CFAP299: variants seen among roughly 807,000 people sequenced by gnomAD.
CFAP299 encodes cilia- and flagella-associated protein 299.
Under a neutral mutation model 27.0 loss-of-function variants are expected in CFAP299, and 21 were observed. The observed-to-expected ratio is 0.78, with a 90% CI of 0.55 to 1.12. The LOEUF is 1.12. Ranked by LOEUF, CFAP299 falls within the 50% of genes most tolerant of loss-of-function variation. The probability of loss-of-function intolerance (pLI) is 0.00; values close to 1 mark genes in which losing one functional copy is unlikely to be tolerated. For missense variants in CFAP299, 310 were observed against 276.6 expected, an observed-to-expected ratio of 1.12 and a Z score of -0.86; for synonymous variants, 104 against 98.1, an observed-to-expected ratio of 1.06 and a Z score of -0.36.
intron 3 of CFAP299, among the ~76,000 whole-genome samples, chr4:80,847,170 T>C (rs1560442220): frequency 6.6e-6 from 1 of 152,224 alleles, no homozygotes; most frequent in Non-Finnish European, 1.5e-5. Context: ...CAATTCCTGC[T>C]GCTTTAGATT....
chr4:80,756,705 C>T (rs1725257006), intron 3 of CFAP299, among the ~76,000 whole-genome samples: 1 of 152,070 alleles, frequency 6.6e-6, no homozygotes, highest in South Asian at 2.1e-4. Flanking sequence ...GCTATAATGA[C>T]TGAGTTGAGT....
intron 2 of CFAP299, among the ~76,000 whole-genome samples, chr4:80,538,933 T>C (rs1733874009): frequency 6.6e-6 from 1 of 152,228 alleles, no homozygotes; most frequent in African/African-American, 2.4e-5. Context: ...ACAGTAAAGT[T>C]AACATTTCTT....
Position 80,583,091 on chromosome 4 carries a change from A to C in CFAP299, c.243-2A>C. ...TTATAACTGAAGATCTGCCTTTTAC[A>C]GGACGCTAACAAGTGCTGGTAAAGA... On this transcript the variant is annotated splice_acceptor_variant, in intron 2 of 5. Coordinates refer to ENST00000358105, the MANE Select transcript of CFAP299 (RefSeq NM_152770.3). LOFTEE classifies it high-confidence loss of function. The C allele has an allele frequency of 6.3e-7, 1 of 1,592,938 alleles. No individual in the cohort carries two copies. Among genetic ancestry groups the C allele is most frequent in the Non-Finnish European group, 8.6e-7 (1 of 1,166,624 alleles).
chr4:80,536,000 G>T (rs965276957), intron 2 of CFAP299, among the ~76,000 whole-genome samples: 3 of 152,144 alleles, frequency 2.0e-5, no homozygotes, highest in Non-Finnish European at 4.4e-5. Context: ...AGATGTTAAA[G>T]AACTGATAAT....
chr4:80,907,620 T>C (rs1401077241), intron 4 of CFAP299, among the ~76,000 whole-genome samples: 3 of 152,044 alleles, frequency 2.0e-5, no homozygotes, highest in Admixed American at 6.6e-5. Context: ...GGAAGGAGAA[T>C]TGCAGAGTGA....
chr4:80,937,620 C>A (rs1736979487), intron 4 of CFAP299, among the ~76,000 whole-genome samples: 1 of 152,074 alleles, frequency 6.6e-6, no homozygotes, highest in Non-Finnish European at 1.5e-5. Context: ...TATGTGTCCT[C>A]AAACCTAAAG....
intron 2 of CFAP299, among the ~76,000 whole-genome samples, chr4:80,504,296 G>A (rs529461984): frequency 7.7e-4 from 116 of 151,470 alleles, no homozygotes; most frequent in Non-Finnish European, 1.3e-3. Context: ...GTGCTTGCTG[G>A]TGCTCATACC....
At chr4:80,565,884 T>G (rs1166549295) in intron 2 of CFAP299, among the ~76,000 whole-genome samples, 1 of 152,080 alleles carries the variant, frequency 6.6e-6, no homozygotes, top group African/African-American at 2.4e-5. Flanking sequence ...TTTATTTGGA[T>G]GAAAGGAGAC....
At chr4:80,838,284 A>G (rs1457060822) in intron 3 of CFAP299, among the ~76,000 whole-genome samples, 1 of 152,038 alleles carries the variant, frequency 6.6e-6, no homozygotes, top group African/African-American at 2.4e-5. Flanking sequence ...CCATTTGTCA[A>G]TTTTGGCTTT....
intron 2 of CFAP299, chr4:80,387,669 A>T: frequency 6.4e-7 from 1 of 1,564,366 alleles, no homozygotes; most frequent in Non-Finnish European, 8.8e-7. Flanking sequence ...GTTTCTTAAC[A>T]TTAGACTTCT....
chr4:80,356,243 C>T (rs1723275926), intron 1 of CFAP299, among the ~76,000 whole-genome samples: 2 of 151,814 alleles, frequency 1.3e-5, no homozygotes, highest in Admixed American at 6.6e-5. Flanking sequence ...TTACTGTAGC[C>T]TTATAGTTTG....
chr4:80,458,872 A>G (rs1729300640), intron 2 of CFAP299, among the ~76,000 whole-genome samples: 1 of 152,182 alleles, frequency 6.6e-6, no homozygotes, highest in South Asian at 2.1e-4. Context: ...GGCACTGAGT[A>G]GGCCCTCCTG....
chr4:80,414,665 T>A (rs1453764801), intron 2 of CFAP299, among the ~76,000 whole-genome samples: 2 of 152,206 alleles, frequency 1.3e-5, no homozygotes, highest in African/African-American at 2.4e-5. Context: ...CTGCTACGGC[T>A]AAAGTATTGT....
At chr4:80,438,287 A>G (rs1213040122) in intron 2 of CFAP299, among the ~76,000 whole-genome samples, 1 of 152,166 alleles carries the variant, frequency 6.6e-6, no homozygotes, top group Non-Finnish European at 1.5e-5. Flanking sequence ...GGTTTGATGA[A>G]AGAAGTCTAG....
Position 80,407,070 on chromosome 4 carries a change from A to G in CFAP299, c.242+44186A>G, listed in dbSNP as rs928384807. Among the ~76,000 whole-genome samples the G allele has an allele frequency of 3.3e-5, 5 of 152,186 alleles. No homozygotes were observed. The East Asian group carries it at 9.6e-4, about 29-fold the overall frequency. On this transcript the variant is annotated intron_variant, in intron 2 of 5. Transcript: ENST00000358105. ...TTAGCTATGCTGCCTAATAGTAGTC[A>G]ATGAGGTTAAATTAACTGGTGTTAT... is the stretch of plus-strand genomic sequence containing the variant.
intron 3 of CFAP299, among the ~76,000 whole-genome samples, chr4:80,641,083 C>T (rs1227754627): frequency 1.3e-5 from 2 of 152,068 alleles, no homozygotes; most frequent in Non-Finnish European, 2.9e-5. Context: ...TACTTTGTTG[C>T]ATCATCAAAG....
intron 3 of CFAP299, among the ~76,000 whole-genome samples, chr4:80,594,156 A>T (rs1296827355): frequency 6.6e-6 from 1 of 152,196 alleles, no homozygotes; most frequent in African/African-American, 2.4e-5. Context: ...TGGGTAATTT[A>T]TAAAGGAAAT....
Position 80,873,212 on chromosome 4 carries a change from A to T in CFAP299, c.476+3077A>T, listed in dbSNP as rs191583645. On this transcript the variant is annotated intron_variant, in intron 4 of 5. Coordinates refer to ENST00000358105, the MANE Select transcript of CFAP299 (RefSeq NM_152770.3). Reference sequence around the variant, plus strand: ...CATACTTAGTTTGATTCAGAACTAAAGCCAAAATTTAAAATTAAATATTTC... The same window carrying T: ...CATACTTAGTTTGATTCAGAACTAATGCCAAAATTTAAAATTAAATATTTC... 4.0e-3 allele frequency: 641 copies of T among 160,622 alleles called. 2 individuals carry two copies. Among genetic ancestry groups the T allele is most frequent in the Non-Finnish European group, 6.5e-3 (489 of 75,544 alleles). 9.9% of individuals were successfully genotyped at this position (160,622 alleles called of 1,614,324 possible). A position where few individuals can be genotyped will look rare whatever the true frequency, so the allele number is the denominator to read the frequency against.
Position 80,364,819 on chromosome 4 carries a change from C to T in CFAP299, c.242+1935C>T, listed in dbSNP as rs572457828. ...TCCATGTGTCCTGTCTATGTGTTCT[C>T]ATCATTCAGCTCCCGCTTGGAGGTG... is the stretch of plus-strand genomic sequence containing the variant. On this transcript the variant is annotated intron_variant, in intron 2 of 5. Transcript: ENST00000358105. 2.1e-3 allele frequency among the ~76,000 whole-genome samples: 324 copies of T among 152,306 alleles called. 3 individuals are homozygous for T. The highest frequency in any genetic ancestry group is 0.013 in the South Asian group (62 of 4,824).
Sources: allele counts gnomAD v4.1 joint callset (sites outside exome capture counted in the v4.1 genomes callset), GRCh38; gene constraint gnomAD v4.1.1; transcripts MANE v1.5; gene names NCBI Gene and HGNC (gene_info 2026-07-23, HGNC 2026-07-21).